The following EPM2A variants were observed in gnomAD, a reference collection of about 807,000 sequenced individuals.
EPM2A encodes EPM2A glucan phosphatase, laforin, also known as laforin.
EPM2A carries 21 observed loss-of-function variants against 26.5 expected under a neutral mutation model. The observed-to-expected ratio is 0.79, with a 90% CI of 0.56 to 1.14. EPM2A has a LOEUF of 1.14. EPM2A is among the 50% of genes most tolerant of loss of function. The pLI, the probability that EPM2A is intolerant of heterozygous loss-of-function variation, is 0.00. For synonymous variants in EPM2A, 217 were observed against 177.6 expected (o/e 1.22, Z -1.76); for missense variants, 458 against 440.8 (o/e 1.04, Z -0.35).
At chr6:145,477,024 T>C (rs946171002) in intron 4 of EPM2A, among the ~76,000 whole-genome samples, 3 of 151,422 alleles carry the variant, frequency 2.0e-5, no homozygotes, top group African/African-American at 7.3e-5. Flanking sequence ...TCTTGAAAAC[T>C]TAAAGAAAAT....
At chr6:145,648,189 T>C (rs1219254391) in intron 2 of EPM2A, among the ~76,000 whole-genome samples, 1 of 152,226 alleles carries the variant, frequency 6.6e-6, no homozygotes, top group Non-Finnish European at 1.5e-5. Flanking sequence ...TGGTGGATGG[T>C]GGCAAAACCT....
intron 2 of EPM2A, among the ~76,000 whole-genome samples, chr6:145,655,338 A>T (rs1778195647): frequency 6.6e-6 from 1 of 152,178 alleles, no homozygotes; most frequent in South Asian, 2.1e-4. Flanking sequence ...AAGTATGTAA[A>T]AGTTACTTGC....
At chr6:145,536,125 C>T (rs2114788765) in intron 2 of EPM2A, among the ~76,000 whole-genome samples, 1 of 152,278 alleles carries the variant, frequency 6.6e-6, no homozygotes, top group African/African-American at 2.4e-5. Flanking sequence ...AACTTTATTC[C>T]TAAGAGTCCT....
intron 2 of EPM2A, chr6:145,670,763 CTT>C (rs765771625): frequency 3.8e-5 from 8 of 208,930 alleles, no homozygotes; most frequent in Non-Finnish European, 6.6e-5. Flanking sequence ...ATATATTTCT[CTT>C]ATATAAAAAT....
chr6:145,420,178 AC>A (rs1373311768), intron 4 of EPM2A, among the ~76,000 whole-genome samples: 1 of 152,010 alleles, frequency 6.6e-6, no homozygotes, highest in African/African-American at 2.4e-5. Flanking sequence ...CATGTAAATC[AC>A]CACCACCACC....
At chr6:145,711,008 T>C (rs1022182793) in intron 1 of EPM2A, among the ~76,000 whole-genome samples, 3 of 147,728 alleles carry the variant, frequency 2.0e-5, no homozygotes, top group African/African-American at 7.4e-5. Flanking sequence ...CATTAGGAGA[T>C]ATACCTAATG....
intron 4 of EPM2A, among the ~76,000 whole-genome samples, chr6:145,448,065 G>T (rs1260324397): frequency 6.6e-6 from 1 of 151,976 alleles, no homozygotes; most frequent in Non-Finnish European, 1.5e-5. Flanking sequence ...AATTCTTCAG[G>T]ACATAAGTAT....
chr6:145,434,253 T>TA (rs964167454), intron 4 of EPM2A, among the ~76,000 whole-genome samples: 3 of 151,656 alleles, frequency 2.0e-5, no homozygotes, highest in South Asian at 2.1e-4. Context: ...CTCTTTTTTT[T>TA]ATCTCTCTCT....
chr6:145,554,388 G>A lies in EPM2A; in HGVS notation c.341-51813C>T, dbSNP rs935089604. On this transcript the variant is annotated intron_variant, in intron 2 of 3. Coordinates refer to the EPM2A transcript ENST00000450221. ...GAAAAACAGAACCAATCAGATGGATGGATAAATAGATAGATAATAGAGAGA... is the reference window on the plus strand; with the variant it reads ...GAAAAACAGAACCAATCAGATGGATAGATAAATAGATAGATAATAGAGAGA... 2.0e-5 allele frequency among the ~76,000 whole-genome samples: 3 copies of A among 150,966 alleles called. 1 individual carries two copies. The East Asian group carries it at 5.9e-4, about 30-fold the overall frequency.
At chr6:145,489,515 A>C in intron 4 of EPM2A, 1 of 597,884 alleles carries the variant, frequency 1.7e-6, no homozygotes, top group Non-Finnish European at 2.9e-6. Context: ...AATTCAGCAC[A>C]ACAACAAATA....
intron 2 of EPM2A, among the ~76,000 whole-genome samples, chr6:145,565,225 T>G (rs777584948): frequency 0.35 from 53,380 of 151,934 alleles, 9,974 homozygotes; most frequent in South Asian, 0.51. Flanking sequence ...CACCCTTGGT[T>G]TTTGACCTTA....
intron 2 of EPM2A, among the ~76,000 whole-genome samples, chr6:145,510,451 C>T (rs1392580457): frequency 6.6e-6 from 1 of 152,064 alleles, no homozygotes; most frequent in African/African-American, 2.4e-5. Context: ...CTCAAAACTA[C>T]ATAAATACAT....
At chr6:145,566,265 G>A (rs1780882750) in intron 2 of EPM2A, among the ~76,000 whole-genome samples, 1 of 152,100 alleles carries the variant, frequency 6.6e-6, no homozygotes, top group South Asian at 2.1e-4. Flanking sequence ...TGAGGGATTT[G>A]GACCAAAAGA....
chr6:145,479,128 A>G (rs1242249092), intron 4 of EPM2A, among the ~76,000 whole-genome samples: 1 of 151,336 alleles, frequency 6.6e-6, no homozygotes, highest in East Asian at 1.9e-4. Context: ...ATGTTTATCA[A>G]TAGTGGAGAG....
intron 2 of EPM2A, among the ~76,000 whole-genome samples, chr6:145,520,973 G>A (rs1780195203): frequency 6.6e-6 from 1 of 152,194 alleles, no homozygotes; most frequent in Non-Finnish European, 1.5e-5. Flanking sequence ...TTTAAATATA[G>A]AGAATTATTC....
chr6:145,488,518 T>TGAGAGAGAGAGAGAGA (rs1434961412), intron 4 of EPM2A, among the ~76,000 whole-genome samples: 16 of 131,074 alleles, frequency 1.2e-4, no homozygotes, highest in East Asian at 4.7e-4. Flanking sequence ...TGTGTGTGTG[T>TGAGAGAGAGAGAGAGA]GTGTGAGAGA....
intron 2 of EPM2A, among the ~76,000 whole-genome samples, chr6:145,600,819 C>A (rs1781407674): frequency 6.6e-6 from 1 of 152,182 alleles, no homozygotes; most frequent in South Asian, 2.1e-4. Context: ...AGGACAATAT[C>A]CAAGCAGGTG....
At chr6:145,506,799 A>T (rs1388775975) in intron 2 of EPM2A, among the ~76,000 whole-genome samples, 2 of 152,216 alleles carry the variant, frequency 1.3e-5, no homozygotes, top group African/African-American at 4.8e-5. Context: ...GAAGCCAAGG[A>T]GGCCACACTG....
intron 2 of EPM2A, among the ~76,000 whole-genome samples, chr6:145,613,953 T>C (rs540823395): frequency 1.1e-4 from 16 of 152,228 alleles, no homozygotes; most frequent in Non-Finnish European, 2.2e-4. Context: ...AACTGTCCTT[T>C]AAAGATTTGA....
Sources: gnomAD v4.1 joint callset for allele counts (sites outside exome capture counted in the v4.1 genomes callset) on GRCh38, gnomAD v4.1.1 for gene constraint, MANE v1.5 for transcripts, NCBI Gene and HGNC (gene_info 2026-07-23, HGNC 2026-07-21) for gene names.